The following AKAP6 variants were observed in gnomAD, a reference collection of about 807,000 sequenced individuals.
AKAP6 encodes the protein A-kinase anchoring protein 6, also known as A-kinase anchor protein 6.
In AKAP6, 58 loss-of-function variants were observed where a neutral mutation model predicts 188.5. The ratio of observed to expected loss-of-function variants is 0.31; its 90% CI spans 0.25 to 0.38. AKAP6 has a LOEUF of 0.38. Ranked by LOEUF, AKAP6 falls within the 10% of genes least tolerant of loss-of-function variation. AKAP6 has a pLI of 1.00. For missense variants in AKAP6, 2,710 were observed against 2,740.0 expected (o/e 0.99, Z 0.24); for synonymous variants, 989 against 998.6 (o/e 0.99, Z 0.18).
chr14:32,526,746 A>G (rs1442149255), intron 2 of AKAP6, among the ~76,000 whole-genome samples: 1 of 152,254 alleles, frequency 6.6e-6, no homozygotes, highest in African/African-American at 2.4e-5. Context: ...TATTTGCTAG[A>G]GGAAAAATAA....
At position 32,577,773 on chromosome 14, in the gene AKAP6, A is replaced by G. The variant is rs17099315; in HGVS notation, c.2469+531A>G. On this transcript the variant is annotated intron_variant, in intron 5 of 13. Coordinates refer to ENST00000280979, the MANE Select transcript of AKAP6 (RefSeq NM_004274.5). Reference sequence around the variant, plus strand: ...ACTGTCATTACACTCATCCCTGTGCATAGAGAAAACCATGGAGGGGAAGTG... The same window carrying G: ...ACTGTCATTACACTCATCCCTGTGCGTAGAGAAAACCATGGAGGGGAAGTG... Among the ~76,000 whole-genome samples, 1,492 of 152,236 alleles carry G rather than the reference A, an allele frequency of 9.8e-3. 22 individuals are homozygous for G. The highest frequency in any genetic ancestry group is 0.034 in the African/African-American group (1,422 of 41,544).
At chr14:32,431,639 A>C (rs1890229662) in intron 1 of AKAP6, among the ~76,000 whole-genome samples, 1 of 152,048 alleles carries the variant, frequency 6.6e-6, no homozygotes, top group Non-Finnish European at 1.5e-5. Context: ...CAGCCTCCTG[A>C]GTAGCTGGGA....
chr14:32,568,841 C>T lies in AKAP6; in HGVS notation c.2347-8279C>T, dbSNP rs1215964855. ...GTAGTAAGTGCTCAGTTAATGTTAA[C>T]CTATTGTTTGTTCCAGTTTATTCCC... is the stretch of plus-strand genomic sequence containing the variant. On this transcript the variant is annotated intron_variant, in intron 4 of 13. Transcript: ENST00000280979. The surrounding 1 kb of genome is among the most constrained non-coding windows in gnomAD (Gnocchi z 6.2). Among the ~76,000 whole-genome samples, 9 of 152,140 alleles carry T rather than the reference C, an allele frequency of 5.9e-5. No individual in the cohort carries two copies. Among genetic ancestry groups the T allele is most frequent in the African/African-American group, 2.2e-4 (9 of 41,428 alleles).
chr14:32,633,552 A>G (rs1887363758), intron 7 of AKAP6, among the ~76,000 whole-genome samples: 1 of 152,080 alleles, frequency 6.6e-6, no homozygotes, highest in Non-Finnish European at 1.5e-5. Context: ...GGACAATGGT[A>G]AGTGAGCAGA....
At chr14:32,600,491 C>A in intron 6 of AKAP6, 138 bp from the exon 7 acceptor site, 1 of 957,194 alleles carries the variant, frequency 1.0e-6, no homozygotes, top group Non-Finnish European at 1.5e-6. Context: ...GTGACAAATG[C>A]TGATATGGCA....
Position 32,820,281 on chromosome 14 carries a change from A to G in AKAP6, c.3589-1121A>G, listed in dbSNP as rs74686900. ...AGGTGAGCCCATCAAGTTCTGCACT[A>G]TGTATATATATATATAATCTTTCTT... is the stretch of plus-strand genomic sequence containing the variant. On this transcript the variant is annotated intron_variant, in intron 12 of 13. Coordinates refer to ENST00000280979, the MANE Select transcript of AKAP6 (RefSeq NM_004274.5). Among the ~76,000 whole-genome samples the G allele has an allele frequency of 1.3e-3, 198 of 152,110 alleles. 3 individuals carry two copies. In the East Asian group the frequency reaches 0.034, roughly 26 times the overall value.
intron 11 of AKAP6, among the ~76,000 whole-genome samples, chr14:32,754,811 T>G (rs1276409797): frequency 6.6e-6 from 1 of 152,208 alleles, no homozygotes; most frequent in African/African-American, 2.4e-5. Context: ...TTTAGCACTT[T>G]GAATATATCT....
At chr14:32,604,834 C>T (rs972942688) in intron 7 of AKAP6, among the ~76,000 whole-genome samples, 5 of 152,172 alleles carry the variant, frequency 3.3e-5, no homozygotes, top group African/African-American at 7.2e-5. Flanking sequence ...GTTTTATTTA[C>T]AGTTCTGGGT....
chr14:32,462,119 G>A (rs1387834118), intron 2 of AKAP6, among the ~76,000 whole-genome samples: 1 of 152,138 alleles, frequency 6.6e-6, no homozygotes, highest in Non-Finnish European at 1.5e-5. Context: ...GTACCTGAAA[G>A]TGGCAGGGAG....
intron 9 of AKAP6, among the ~76,000 whole-genome samples, chr14:32,721,163 GATGTATT>G (rs570018829): frequency 1.3e-5 from 2 of 152,186 alleles, no homozygotes; most frequent in Non-Finnish European, 2.9e-5. Context: ...GAGTAGTCAT[GATGTATT>G]ATGGCAATGA....
chr14:32,596,693 G>T (rs1351815654), intron 5 of AKAP6, among the ~76,000 whole-genome samples: 1 of 152,170 alleles, frequency 6.6e-6, no homozygotes, highest in Non-Finnish European at 1.5e-5. Context: ...CATTTTCAGG[G>T]AGTGCTATGG....
At chr14:32,359,580 T>C (rs571751885) in intron 1 of AKAP6, among the ~76,000 whole-genome samples, 1 of 151,916 alleles carries the variant, frequency 6.6e-6, no homozygotes. Flanking sequence ...TTTTTTTCAT[T>C]AATACCCTCT....
At chr14:32,569,463 A>G (rs548794154) in intron 4 of AKAP6, among the ~76,000 whole-genome samples, 5 of 152,178 alleles carry the variant, frequency 3.3e-5, no homozygotes, top group South Asian at 2.1e-4. Flanking sequence ...GAGTGTGGGT[A>G]TATAAGTTAG....
chr14:32,786,719 T>A (rs2033434910), intron 12 of AKAP6, among the ~76,000 whole-genome samples: 1 of 152,172 alleles, frequency 6.6e-6, no homozygotes, highest in African/African-American at 2.4e-5. Context: ...GTCCTATCAC[T>A]GTTTTCTGAG....
intron 5 of AKAP6, among the ~76,000 whole-genome samples, chr14:32,599,181 T>A (rs1329484694): frequency 2.0e-5 from 3 of 152,148 alleles, no homozygotes; most frequent in South Asian, 4.1e-4. Context: ...AAAAACCTAA[T>A]GAATTTCTAG....
intron 12 of AKAP6, among the ~76,000 whole-genome samples, chr14:32,778,747 A>G (rs1417070222): frequency 7.0e-6 from 1 of 142,690 alleles, no homozygotes; most frequent in East Asian, 2.0e-4. Flanking sequence ...GGATCTCGCT[A>G]TGTTGCGCAG....
intron 7 of AKAP6, among the ~76,000 whole-genome samples, chr14:32,631,994 T>C (rs568948546): frequency 6.6e-6 from 1 of 152,058 alleles, no homozygotes; most frequent in Non-Finnish European, 1.5e-5. Flanking sequence ...AACTTTCTCT[T>C]CCCAATGTTA....
In AKAP6 at chr14:32,450,323, T is replaced by TGA. The variant is rs752360654; in HGVS notation, c.324+16524_324+16525dup. ...GGGTGAGCTGGGATGTGTGTGTGTG[T>TGA]GAGAGAGAGAGAGAGAGAGGGAGAG... On this transcript the variant is annotated intron_variant, in intron 2 of 13. Coordinates refer to ENST00000280979, the MANE Select transcript of AKAP6 (RefSeq NM_004274.5). Among the ~76,000 whole-genome samples the TGA allele has an allele frequency of 9.2e-3, 1,388 of 151,182 alleles. 8 individuals are homozygous for TGA. The highest frequency in any genetic ancestry group is 0.015 in the Non-Finnish European group (1,002 of 67,686).
rs370046150 is a variant in AKAP6 at position 32,539,161 on chromosome 14, T to C, written c.576+3356T>C. On this transcript the variant is annotated intron_variant, in intron 3 of 13. Transcript: ENST00000280979. Reference sequence around the variant, plus strand: ...TATCCTCAATTTACAGGTATTATGATTGTATTCATCTTACAGATGAGAGAA... The same window carrying C: ...TATCCTCAATTTACAGGTATTATGACTGTATTCATCTTACAGATGAGAGAA... Among the ~76,000 whole-genome samples, 12 of 152,288 alleles carry C rather than the reference T, an allele frequency of 7.9e-5. No individual in the cohort carries two copies. In the South Asian group the frequency reaches 2.5e-3, roughly 32 times the overall value.
Sources: gnomAD v4.1 joint callset for allele counts (sites outside exome capture counted in the v4.1 genomes callset) on GRCh38, gnomAD v4.1.1 for gene constraint, Gnocchi (gnomAD v3.1) non-coding constraint, MANE v1.5 for transcripts, NCBI Gene and HGNC (gene_info 2026-07-23, HGNC 2026-07-21) for gene names.